Variants in KIF13A observed in about 807,000 individuals in gnomAD.
KIF13A encodes the protein kinesin family member 13A.
In KIF13A, 79 loss-of-function variants were observed where a neutral mutation model predicts 212.2. That is an observed-to-expected ratio of 0.37 (90% CI 0.31 to 0.45). The LOEUF (loss-of-function observed/expected upper bound fraction) is 0.45. Ranked by LOEUF, KIF13A falls within the 20% of genes least tolerant of loss-of-function variation. KIF13A has a pLI of 1.00. For synonymous variants in KIF13A, 789 were observed against 808.6 expected (o/e 0.98, Z 0.41); for missense variants, 1,901 against 2,209.0 (o/e 0.86, Z 2.79).
At chr6:17,853,861 C>T (rs1767896704) in intron 6 of KIF13A, among the ~76,000 whole-genome samples, 1 of 152,068 alleles carries the variant, frequency 6.6e-6, no homozygotes, top group Middle Eastern at 3.4e-3. Flanking sequence ...CCAAGGGGAA[C>T]GTATAGTGAG....
rs936887934 is a variant in KIF13A at position 17,951,973 on chromosome 6, A to G, written c.146+35081T>C. Among the ~76,000 whole-genome samples, 7 of 152,202 alleles carry G rather than the reference A, an allele frequency of 4.6e-5. No individual in the cohort carries two copies. The highest frequency in any genetic ancestry group is 6.5e-5 in the Admixed American group (1 of 15,280). ...AGCAATTTGGCAATTTATATTTACAATTTAAATGCTCATAGTCTTTTCCTA... is the reference window on the plus strand; with the variant it reads ...AGCAATTTGGCAATTTATATTTACAGTTTAAATGCTCATAGTCTTTTCCTA... On this transcript the variant is annotated intron_variant, in intron 2 of 38. Coordinates refer to ENST00000259711, the MANE Select transcript of KIF13A (RefSeq NM_022113.6). The surrounding 1 kb of genome is among the most constrained non-coding windows in gnomAD (Gnocchi z 4.9).
chr6:17,948,717 T>C (rs912826066), intron 2 of KIF13A, among the ~76,000 whole-genome samples: 4 of 151,796 alleles, frequency 2.6e-5, no homozygotes, highest in African/African-American at 9.7e-5. Flanking sequence ...CCCACCACCA[T>C]GCCCGGCTAA....
intron 2 of KIF13A, among the ~76,000 whole-genome samples, chr6:17,917,536 T>C (rs1369155186): frequency 6.6e-6 from 1 of 152,136 alleles, no homozygotes; most frequent in Non-Finnish European, 1.5e-5. Flanking sequence ...CCACTGCACC[T>C]GGCCTTACAC....
At chr6:17,910,933 T>C (rs1774000972) in intron 2 of KIF13A, among the ~76,000 whole-genome samples, 1 of 152,146 alleles carries the variant, frequency 6.6e-6, no homozygotes, top group African/African-American at 2.4e-5. Context: ...CAGCTAATGT[T>C]TTTGTATTTT....
At chr6:17,923,847 G>A (rs1775282782) in intron 2 of KIF13A, among the ~76,000 whole-genome samples, 1 of 152,062 alleles carries the variant, frequency 6.6e-6, no homozygotes, top group African/African-American at 2.4e-5. Flanking sequence ...GTCAGTGAGG[G>A]CACAACTCTT....
At position 17,849,653 on chromosome 6, in the gene KIF13A, T is replaced by G. The variant is rs2150397928; in HGVS notation, c.718-164A>C. Among the ~76,000 whole-genome samples, 5 of 152,346 alleles carry G rather than the reference T, an allele frequency of 3.3e-5. 1 individual carries two copies. The Middle Eastern group carries it at 0.017, about 518-fold the overall frequency. ...AGAGTTATTTGAACCAGCAATTAAT[T>G]TCATAGTTAACATTTAAATAGGCGT... On this transcript the variant is annotated intron_variant, in intron 8 of 38. Transcript: ENST00000259711. This position sits in a 1 kb window ranked among gnomAD's most constrained non-coding sequence, Gnocchi z 5.7.
intron 4 of KIF13A, among the ~76,000 whole-genome samples, chr6:17,860,329 T>C (rs1768625354): frequency 6.6e-6 from 1 of 151,998 alleles, no homozygotes; most frequent in East Asian, 1.9e-4. Context: ...GCTGGGATTA[T>C]AGGGGCCCAC....
rs1378782668 is a variant in KIF13A at position 17,764,401 on chromosome 6, A to C, written c.5127T>G (p.Ile1709Met). 1 of 1,613,814 alleles carries C rather than the reference A, an allele frequency of 6.2e-7. No homozygotes were observed. The highest frequency in any genetic ancestry group is 2.2e-5 in the East Asian group (1 of 44,892). Residue 1709 changes from isoleucine to methionine, a missense_variant, in exon 39 of 39, where the codon ATT becomes ATG. Ile to Met is a conservative substitution (Grantham distance 10, BLOSUM62 1). Around this residue, in one of 5 missense-constraint regions of KIF13A, gnomAD observed 687 missense variants for 759.1 expected, o/e 0.90. Transcript: ENST00000259711. This position sits in a 1 kb window ranked among gnomAD's most constrained non-coding sequence, Gnocchi z 5.1. ...GGCAGAATCCCCTGGCTGGCTGGCT[A>C]ATTTTGCTGGGGCAGGCATCTAGTT... is the stretch of plus-strand genomic sequence containing the variant. ...CSELDACPSK[I>M]SQPARGFCPR... is the part of the protein sequence containing the mutation.
rs1372209215 is a variant in KIF13A at position 17,883,498 on chromosome 6, A to G, written c.160-10061T>C. On this transcript the variant is annotated intron_variant, in intron 3 of 38. Coordinates refer to ENST00000259711, the MANE Select transcript of KIF13A (RefSeq NM_022113.6). This position sits in a 1 kb window ranked among gnomAD's most constrained non-coding sequence, Gnocchi z 4.8. ...TAAATCCTTCAGTGGCACAGCCAGG[A>G]TAGCAGCACCCCAACGATACTTTGC... 6.6e-6 allele frequency among the ~76,000 whole-genome samples: 1 copy of G among 152,218 alleles called. No individual in the cohort carries two copies. The highest frequency in any genetic ancestry group is 1.9e-4 in the East Asian group (1 of 5,196).
chr6:17,985,471 C>T (rs1408755923), intron 2 of KIF13A, among the ~76,000 whole-genome samples: 1 of 152,096 alleles, frequency 6.6e-6, no homozygotes. Flanking sequence ...CTAACAGTCG[C>T]ACTGCTTATG....
At chr6:17,868,772 C>T (rs1209688223) in intron 4 of KIF13A, among the ~76,000 whole-genome samples, 1 of 151,510 alleles carries the variant, frequency 6.6e-6, no homozygotes, top group African/African-American at 2.4e-5. Flanking sequence ...GGATGCTGAT[C>T]ACTTGAGGTC....
chr6:17,901,960 G>A (rs1157783137), intron 2 of KIF13A, among the ~76,000 whole-genome samples: 1 of 152,138 alleles, frequency 6.6e-6, no homozygotes, highest in African/African-American at 2.4e-5. Context: ...TCACGCCACT[G>A]CACTCCTGCC....
chr6:17,886,316 C>T lies in KIF13A; in HGVS notation c.159+11852G>A. 6.6e-6 allele frequency among the ~76,000 whole-genome samples: 1 copy of T among 152,122 alleles called. No individual in the cohort carries two copies. Among genetic ancestry groups the T allele is most frequent in the Non-Finnish European group, 1.5e-5 (1 of 68,010 alleles). On this transcript the variant is annotated intron_variant, in intron 3 of 38. Coordinates refer to ENST00000259711, the MANE Select transcript of KIF13A (RefSeq NM_022113.6). This position sits in a 1 kb window ranked among gnomAD's most constrained non-coding sequence, Gnocchi z 5.6. ...ACATAGAGCCACAGAGAGGAGAATG[C>T]TAGGCTGACTCCATGGCCCCAGGTC... is the stretch of plus-strand genomic sequence containing the variant.
chr6:17,837,285 G>C lies in KIF13A; in HGVS notation c.942+187C>G, dbSNP rs1172019872. On this transcript the variant is annotated intron_variant, in intron 10 of 38. Coordinates refer to ENST00000259711, the MANE Select transcript of KIF13A (RefSeq NM_022113.6). The surrounding 1 kb of genome is among the most constrained non-coding windows in gnomAD (Gnocchi z 5.4). ...TATATTCAAGCAATGAATAAGGCCTGTCAAACAGCATTCAAATGGAATAAA... is the reference window on the plus strand; with the variant it reads ...TATATTCAAGCAATGAATAAGGCCTCTCAAACAGCATTCAAATGGAATAAA... 1.3e-5 allele frequency among the ~76,000 whole-genome samples: 2 copies of C among 152,194 alleles called. No individual in the cohort carries two copies. The highest frequency in any genetic ancestry group is 4.8e-5 in the African/African-American group (2 of 41,450).
At chr6:17,848,972 T>C (rs1767368682) in intron 9 of KIF13A, among the ~76,000 whole-genome samples, 1 of 152,078 alleles carries the variant, frequency 6.6e-6, no homozygotes, top group African/African-American at 2.4e-5. Context: ...AGCTGGAGTG[T>C]AGTGGTGCAA....
chr6:17,792,268 A>G (rs1486900450), intron 25 of KIF13A, among the ~76,000 whole-genome samples: 1 of 150,066 alleles, frequency 6.7e-6, no homozygotes, highest in Non-Finnish European at 1.5e-5. Flanking sequence ...ACATTTAGTT[A>G]GTTGATGACC....
chr6:17,887,164 GCA>G (rs1771619224), intron 3 of KIF13A, among the ~76,000 whole-genome samples: 1 of 152,148 alleles, frequency 6.6e-6, no homozygotes, highest in Non-Finnish European at 1.5e-5. Context: ...AGAAGCCACT[GCA>G]CAGTTCTCTT....
chr6:17,954,158 A>G (rs1223476981), intron 2 of KIF13A, among the ~76,000 whole-genome samples: 1 of 151,880 alleles, frequency 6.6e-6, no homozygotes, highest in South Asian at 2.1e-4. Flanking sequence ...AAAATTAGCC[A>G]GGTGTGGTGG....
chr6:17,917,163 T>C lies in KIF13A; in HGVS notation c.147-18983A>G, dbSNP rs77589061. Among the ~76,000 whole-genome samples the C allele has an allele frequency of 8.4e-3, 1,281 of 151,958 alleles. 71 individuals carry two copies. The East Asian group carries it at 0.16, about 19-fold the overall frequency. ...ATGCCAGAACACTTTACTCACATAT[T>C]CTACTCTACGGGAAGGAGGAAAACG... On this transcript the variant is annotated intron_variant, in intron 2 of 38. Coordinates refer to ENST00000259711, the MANE Select transcript of KIF13A (RefSeq NM_022113.6).
Sources: allele counts gnomAD v4.1 joint callset (sites outside exome capture counted in the v4.1 genomes callset), GRCh38; gene constraint gnomAD v4.1.1; regional missense constraint gnomAD v4.1.1; non-coding constraint Gnocchi (gnomAD v3.1); transcripts MANE v1.5; gene names NCBI Gene and HGNC (gene_info 2026-07-23, HGNC 2026-07-21).